The following PSD3 variants were observed in gnomAD, a reference collection of about 807,000 sequenced individuals.
PSD3 encodes the protein PH and SEC7 domain-containing protein 3.
A neutral mutation model predicts 105.5 loss-of-function variants in PSD3; 49 were observed. The observed-to-expected ratio is 0.46, with a 90% CI of 0.37 to 0.59. The LOEUF is 0.59. Ranked by LOEUF, PSD3 falls within the 20% of genes least tolerant of loss-of-function variation. The pLI, the probability that PSD3 is intolerant of heterozygous loss-of-function variation, is 0.00. For missense variants in PSD3, 1,561 were observed against 1,263.8 expected (o/e 1.24, Z -3.57); for synonymous variants, 557 against 457.8 (o/e 1.22, Z -2.77).
chr8:18,543,656 C>T (rs867244646), intron 15 of PSD3, among the ~76,000 whole-genome samples: 1 of 151,780 alleles, frequency 6.6e-6, no homozygotes, highest in Admixed American at 6.6e-5. Context: ...ACAAAACTTC[C>T]CAAATATGTA....
At chr8:18,807,732 T>C (rs991694312) in intron 4 of PSD3, among the ~76,000 whole-genome samples, 4 of 152,192 alleles carry the variant, frequency 2.6e-5, no homozygotes, top group Non-Finnish European at 4.4e-5. Context: ...TTAAAATAAA[T>C]TGCTTCATTA....
At chr8:18,632,564 C>A in intron 11 of PSD3, 49 bp downstream of exon 11, 1 of 1,538,632 alleles carries the variant, frequency 6.5e-7, no homozygotes, top group Non-Finnish European at 8.8e-7. Context: ...AAATTTTGAG[C>A]ATAAAGATAA....
chr8:18,689,221 G>A (rs1324081564), intron 9 of PSD3, among the ~76,000 whole-genome samples: 1 of 152,112 alleles, frequency 6.6e-6, no homozygotes, highest in Admixed American at 6.5e-5. Context: ...CCCTAACTTT[G>A]AGCAGCTCAC....
At chr8:18,674,326 T>C (rs1212778304) in intron 9 of PSD3, among the ~76,000 whole-genome samples, 4 of 152,186 alleles carry the variant, frequency 2.6e-5, no homozygotes, top group Admixed American at 6.5e-5. Flanking sequence ...TGGGGACAGA[T>C]TGATCTATTT....
intron 11 of PSD3, among the ~76,000 whole-genome samples, chr8:18,607,119 A>G (rs2130614864): frequency 6.6e-6 from 1 of 152,266 alleles, no homozygotes; most frequent in African/African-American, 2.4e-5. Flanking sequence ...TGAAGGCAGG[A>G]AGAGAGATGA....
chr8:18,850,913 G>GC (rs1359311524), intron 4 of PSD3, among the ~76,000 whole-genome samples: 3 of 151,992 alleles, frequency 2.0e-5, no homozygotes, highest in Non-Finnish European at 4.4e-5. Flanking sequence ...AAACTCTATT[G>GC]CCCCCCCTCC....
chr8:19,034,747 G>A (rs1346857850), intron 1 of PSD3, among the ~76,000 whole-genome samples: 1 of 152,078 alleles, frequency 6.6e-6, no homozygotes, highest in Non-Finnish European at 1.5e-5. Flanking sequence ...TTCACATCAC[G>A]CTGAATCACA....
At chr8:18,574,672 G>T (rs932366333) in intron 13 of PSD3, among the ~76,000 whole-genome samples, 10 of 152,134 alleles carry the variant, frequency 6.6e-5, no homozygotes, top group African/African-American at 1.4e-4. Flanking sequence ...ACTGTGTGAG[G>T]TATTATACAC....
At chr8:18,593,054 T>C (rs912344539) in intron 12 of PSD3, among the ~76,000 whole-genome samples, 3 of 152,196 alleles carry the variant, frequency 2.0e-5, no homozygotes, top group Non-Finnish European at 4.4e-5. Context: ...ATTCAGGACA[T>C]AGGCACGGGC....
chr8:18,901,672 T>G (rs999158304), intron 2 of PSD3, among the ~76,000 whole-genome samples: 24 of 152,212 alleles, frequency 1.6e-4, no homozygotes, highest in African/African-American at 4.3e-4. Flanking sequence ...TCTTTTCACT[T>G]CCAGATGCAG....
At chr8:18,981,022 A>C (rs917458935) in intron 1 of PSD3, among the ~76,000 whole-genome samples, 2 of 152,062 alleles carry the variant, frequency 1.3e-5, no homozygotes, top group African/African-American at 4.8e-5. Flanking sequence ...CTAGTTTCAG[A>C]GTTATTTGCA....
At chr8:18,704,672 T>C (rs1191107112) in intron 9 of PSD3, among the ~76,000 whole-genome samples, 1 of 152,144 alleles carries the variant, frequency 6.6e-6, no homozygotes, top group Non-Finnish European at 1.5e-5. Flanking sequence ...AGTTTCCATC[T>C]CAGTTCTGCT....
At chr8:18,966,622 T>G (rs1824267494) in intron 1 of PSD3, among the ~76,000 whole-genome samples, 1 of 151,002 alleles carries the variant, frequency 6.6e-6, no homozygotes, top group African/African-American at 2.4e-5. Context: ...TAAAAATACT[T>G]CCCTAGACCT....
intron 9 of PSD3, among the ~76,000 whole-genome samples, chr8:18,701,818 A>G (rs1482110608): frequency 4.6e-5 from 7 of 152,216 alleles, no homozygotes; most frequent in Non-Finnish European, 1.0e-4. Context: ...CTGAGGGAGT[A>G]AAAATCTACG....
chr8:18,929,010 A>C (rs979781676), intron 2 of PSD3, among the ~76,000 whole-genome samples: 2 of 152,148 alleles, frequency 1.3e-5, no homozygotes, highest in African/African-American at 4.8e-5. Context: ...AAAATGTTCT[A>C]AAGTGGCCTG....
chr8:19,040,995 T>G (rs1405011063), intron 1 of PSD3, among the ~76,000 whole-genome samples: 2 of 152,146 alleles, frequency 1.3e-5, no homozygotes, highest in Non-Finnish European at 2.9e-5. Context: ...CAGGCTCAAG[T>G]GATCCTCTTG....
intron 1 of PSD3, among the ~76,000 whole-genome samples, chr8:19,033,420 G>A (rs527813407): frequency 6.6e-6 from 1 of 152,028 alleles, no homozygotes; most frequent in African/African-American, 2.4e-5. Flanking sequence ...ATTTTTCGAA[G>A]TTTACTTTTG....
chr8:18,575,361 A>G (rs1802404951), intron 12 of PSD3, 76 bp from the exon 13 acceptor site: 3 of 1,374,308 alleles, frequency 2.2e-6, no homozygotes, highest in African/African-American at 1.5e-5. Flanking sequence ...AGCAAAAACT[A>G]AAAAAATAGT....
intron 3 of PSD3, among the ~76,000 whole-genome samples, 186 bp downstream of exon 3, chr8:18,871,440 T>C (rs1817341072): frequency 6.6e-6 from 1 of 152,200 alleles, no homozygotes; most frequent in South Asian, 2.1e-4. Context: ...CAAGATCACT[T>C]TAATATCTGA....
Sources: gnomAD v4.1 joint callset for allele counts (sites outside exome capture counted in the v4.1 genomes callset) on GRCh38, gnomAD v4.1.1 for gene constraint, MANE v1.5 for transcripts, NCBI Gene and HGNC (gene_info 2026-07-23, HGNC 2026-07-21) for gene names.